Variants in SUB1 observed in about 807,000 individuals in gnomAD.
SUB1 encodes activated RNA polymerase II transcriptional coactivator p15.
In SUB1, 1 loss-of-function variant was observed where a neutral mutation model predicts 16.9. That is an observed-to-expected ratio of 0.06 (90% CI 0.02 to 0.28). SUB1 has a LOEUF of 0.28. Ranked by LOEUF, SUB1 falls within the 10% of genes least tolerant of loss-of-function variation. The pLI, the probability that SUB1 is intolerant of heterozygous loss-of-function variation, is 1.00. For synonymous variants in SUB1, 51 were observed against 46.9 expected, an observed-to-expected ratio of 1.09 and a Z score of -0.36; for missense variants, 84 against 145.2, an observed-to-expected ratio of 0.58 and a Z score of 2.16.
At chr5:32,598,621 A>G (rs1474092694) in intron 3 of SUB1, 1 of 173,600 alleles carries the variant, frequency 5.8e-6, no homozygotes, top group East Asian at 1.7e-4. Context: ...ATGTTTTATG[A>G]TAGTAAGTGA....
At chr5:32,590,762 A>ATTTTTTTTTTATTTTTTTTTTT (rs1738801729) in intron 2 of SUB1, among the ~76,000 whole-genome samples, 1 of 33,960 alleles carries the variant, frequency 2.9e-5, no homozygotes. Flanking sequence ...CGCCTGGCTA[A>ATTTTTTTTTTATTTTTTTTTTT]TTTTTTTTTT....
At chr5:32,600,295 ACTC>A (rs1739083798) in intron 4 of SUB1, among the ~76,000 whole-genome samples, 1 of 152,206 alleles carries the variant, frequency 6.6e-6, no homozygotes, top group Admixed American at 6.5e-5. Context: ...TTCTGGAAGA[ACTC>A]AGCACAATTG....
chr5:32,587,939 A>G (rs1299269865), intron 1 of SUB1, among the ~76,000 whole-genome samples: 1 of 152,180 alleles, frequency 6.6e-6, no homozygotes, highest in African/African-American at 2.4e-5. Context: ...GTACTCTTGA[A>G]TTAGTACCTG....
At chr5:32,595,111 T>C (rs1218651985) in intron 3 of SUB1, 1 of 152,204 alleles carries the variant, frequency 6.6e-6, no homozygotes, top group Non-Finnish European at 1.5e-5. Flanking sequence ...CTTGTTTAAT[T>C]TTTGCTAATA....
chr5:32,598,942 A>G lies in SUB1; in HGVS notation c.196-19A>G. ...ACTCTTGAAAGGAGCACCTCTTTTT[A>G]TGTTTGTTTCTTTTGCAGATTGGGA... On this transcript the variant is annotated intron_variant, in intron 3 of 4. Transcript: ENST00000265073. 1.3e-6 allele frequency: 2 copies of G among 1,586,984 alleles called. No individual in the cohort carries two copies. Among genetic ancestry groups the G allele is most frequent in the Non-Finnish European group, 8.6e-7 (1 of 1,159,450 alleles).
intron 3 of SUB1, among the ~76,000 whole-genome samples, chr5:32,592,709 A>G (rs1738860636): frequency 6.6e-6 from 1 of 152,006 alleles, no homozygotes; most frequent in Non-Finnish European, 1.5e-5. Context: ...TGTGGATGTG[A>G]TTGAAAAAAA....
At chr5:32,597,984 T>C (rs746093921) in intron 3 of SUB1, 6 of 152,224 alleles carry the variant, frequency 3.9e-5, no homozygotes, top group African/African-American at 7.2e-5. Flanking sequence ...TAATAAAATA[T>C]GTCATCTGTT....
In SUB1 at chr5:32,600,703, G is replaced by T. The variant is rs146904480; in HGVS notation, c.305-302G>T. Among the ~76,000 whole-genome samples the T allele has an allele frequency of 9.0e-3, 1,370 of 151,552 alleles. 23 individuals carry two copies. Among genetic ancestry groups the T allele is most frequent in the African/African-American group, 0.031 (1,288 of 41,294 alleles). ...ACTGTAACTTCCACCTCCCAGGTTC[G>T]AGCAATTCTCCTGTCTCAGCCTCTT... On this transcript the variant is annotated intron_variant, in intron 4 of 4. Coordinates refer to ENST00000265073, the MANE Select transcript of SUB1 (RefSeq NM_006713.4).
intron 3 of SUB1, chr5:32,594,665 G>T (rs1026472998): frequency 4.5e-6 from 2 of 446,206 alleles, no homozygotes; most frequent in East Asian, 7.0e-5. Context: ...CCTCCTGTCA[G>T]ATCAGCAGCG....
At chr5:32,590,636 C>T (rs1468875349) in intron 2 of SUB1, among the ~76,000 whole-genome samples, 1 of 151,498 alleles carries the variant, frequency 6.6e-6, no homozygotes, top group African/African-American at 2.4e-5. Flanking sequence ...GCTTTTGTTG[C>T]CCAGGCTGGA....
intron 3 of SUB1, among the ~76,000 whole-genome samples, chr5:32,593,609 C>A (rs767742111): frequency 2.0e-5 from 3 of 152,188 alleles, no homozygotes; most frequent in Admixed American, 2.0e-4. Context: ...ATTTCTTAAA[C>A]CCTCATCTGG....
At chr5:32,593,019 ATTT>A (rs1020060693) in intron 3 of SUB1, among the ~76,000 whole-genome samples, 1 of 150,230 alleles carries the variant, frequency 6.7e-6, no homozygotes, top group Non-Finnish European at 1.5e-5. Flanking sequence ...CGAGACTACA[ATTT>A]TTTTTTTGAG....
chr5:32,599,871 T>C (rs901668970), intron 4 of SUB1, among the ~76,000 whole-genome samples: 1 of 152,260 alleles, frequency 6.6e-6, no homozygotes, highest in Non-Finnish European at 1.5e-5. Context: ...GGGAATACTT[T>C]CTGCCAGTTC....
chr5:32,591,263 T>A (rs1468697903), intron 2 of SUB1: 1 of 201,094 alleles, frequency 5.0e-6, no homozygotes, highest in Non-Finnish European at 9.9e-6. Flanking sequence ...CATTTTTTTT[T>A]CTACCAAAGA....
intron 3 of SUB1, among the ~76,000 whole-genome samples, chr5:32,594,272 G>A (rs1738901372): frequency 6.6e-6 from 1 of 152,106 alleles, no homozygotes; most frequent in Admixed American, 6.5e-5. Context: ...CTTCCATAGG[G>A]ATGTAGTCTA....
intron 3 of SUB1, chr5:32,596,157 A>T (rs1429163662): frequency 6.6e-6 from 1 of 152,202 alleles, no homozygotes; most frequent in Non-Finnish European, 1.5e-5. Context: ...AGACAGAATA[A>T]GGGGGGACTG....
At chr5:32,589,639 G>A (rs560927728) in intron 2 of SUB1, among the ~76,000 whole-genome samples, 22 of 152,282 alleles carry the variant, frequency 1.4e-4, no homozygotes, top group Non-Finnish European at 2.6e-4. Context: ...GAGCATAACT[G>A]AGCGTCTCAC....
intron 1 of SUB1, among the ~76,000 whole-genome samples, 184 bp from the exon 2 acceptor site, chr5:32,588,328 G>C (rs896487040): frequency 2.0e-5 from 3 of 152,130 alleles, no homozygotes; most frequent in African/African-American, 7.2e-5. Context: ...TGCACCCTGC[G>C]TGTTATTTGC....
At position 32,602,156 on chromosome 5, in the gene SUB1, GAC is replaced by G. The variant is rs1316528441; in HGVS notation, c.*1075_*1076del. On this transcript the variant is annotated 3_prime_UTR_variant, in exon 5 of 5. Coordinates refer to ENST00000265073, the MANE Select transcript of SUB1 (RefSeq NM_006713.4). ...GACTTGATGATACTAAGTTTTAGCA[GAC>G]ACTAGTAAGTGGTTTGTATTTAACC... 2.2e-6 allele frequency: 1 copy of G among 445,790 alleles called. No homozygotes were observed. The highest frequency in any genetic ancestry group is 2.0e-5 in the African/African-American group (1 of 49,612). The allele number at this position is 445,790 out of a possible 1,614,324, so 27.6% of individuals were successfully genotyped here.
Sources: allele counts gnomAD v4.1 joint callset (sites outside exome capture counted in the v4.1 genomes callset), GRCh38; gene constraint gnomAD v4.1.1; transcripts MANE v1.5; gene names NCBI Gene and HGNC (gene_info 2026-07-23, HGNC 2026-07-21).